The following ACAD11 variants were observed in gnomAD, a reference collection of about 807,000 sequenced individuals.
ACAD11 encodes acyl-Coenzyme A dehydrogenase family, member 11.
In ACAD11, 83 loss-of-function variants were observed where a neutral mutation model predicts 102.2. The observed-to-expected ratio is 0.81, with a 90% CI of 0.68 to 0.97. ACAD11 has a LOEUF of 0.97. Among genes scored for constraint, ACAD11 ranks in the 50% least tolerant of loss-of-function variants. The probability of loss-of-function intolerance (pLI) is 0.00; values close to 1 mark genes in which losing one functional copy is unlikely to be tolerated. For missense variants in ACAD11, 901 were observed against 951.7 expected, an observed-to-expected ratio of 0.95 and a Z score of 0.70; for synonymous variants, 324 against 319.8, an observed-to-expected ratio of 1.01 and a Z score of -0.14.
intron 11 of ACAD11, among the ~76,000 whole-genome samples, chr3:132,615,285 G>A (rs901818705): frequency 1.3e-5 from 2 of 152,118 alleles, no homozygotes; most frequent in Non-Finnish European, 2.9e-5. Context: ...CAAGGATCTA[G>A]AACCAGAAAT....
intron 5 of ACAD11, among the ~76,000 whole-genome samples, chr3:132,635,977 T>G (rs1198147888): frequency 1.3e-5 from 2 of 152,166 alleles, no homozygotes; most frequent in African/African-American, 4.8e-5. Context: ...GCTTTTAACA[T>G]CCAAAGTAAA....
intron 17 of ACAD11, among the ~76,000 whole-genome samples, chr3:132,569,328 C>T (rs1468202353): frequency 3.3e-5 from 5 of 152,018 alleles, no homozygotes; most frequent in African/African-American, 9.7e-5. Context: ...AAAGTAGTGA[C>T]AACACCATAT....
chr3:132,630,074 T>TAGTTA (rs1249661585), intron 7 of ACAD11, among the ~76,000 whole-genome samples: 1 of 152,104 alleles, frequency 6.6e-6, no homozygotes, highest in Non-Finnish European at 1.5e-5. Flanking sequence ...CAACCCTAAC[T>TAGTTA]AATAAATGGT....
chr3:132,570,535 G>A (rs1662568648), intron 17 of ACAD11, among the ~76,000 whole-genome samples: 1 of 151,808 alleles, frequency 6.6e-6, no homozygotes, highest in Non-Finnish European at 1.5e-5. Flanking sequence ...TTAAATTCGG[G>A]ATACATGTGC....
intron 17 of ACAD11, among the ~76,000 whole-genome samples, chr3:132,574,569 C>A (rs1401086193): frequency 6.6e-6 from 1 of 152,102 alleles, no homozygotes; most frequent in East Asian, 1.9e-4. Context: ...ATACATACTG[C>A]AAATTTCATA....
At chr3:132,630,319 CATT>C (rs1939984809) in intron 7 of ACAD11, 115 bp downstream of exon 7, 2 of 1,141,702 alleles carry the variant, frequency 1.8e-6, no homozygotes. Flanking sequence ...TGATACCTGT[CATT>C]ATGATAAGCC....
At chr3:132,568,037 A>G (rs913675440) in intron 17 of ACAD11, among the ~76,000 whole-genome samples, 5 of 152,052 alleles carry the variant, frequency 3.3e-5, no homozygotes. Flanking sequence ...AGATAAACAT[A>G]CAACATGGTG....
intron 11 of ACAD11, among the ~76,000 whole-genome samples, chr3:132,615,372 A>C (rs1576592496): frequency 6.6e-6 from 1 of 152,338 alleles, no homozygotes; most frequent in East Asian, 1.9e-4. Context: ...AGACACATGC[A>C]CATGTATGTT....
chr3:132,594,671 T>C (rs1258544118), intron 13 of ACAD11, among the ~76,000 whole-genome samples: 2 of 152,176 alleles, frequency 1.3e-5, no homozygotes, highest in Non-Finnish European at 2.9e-5. Context: ...GCTTCCTGGA[T>C]TAATGTTAAG....
chr3:132,641,602 A>AGAG (rs1164143841), intron 4 of ACAD11, among the ~76,000 whole-genome samples: 60 of 132,420 alleles, frequency 4.5e-4, no homozygotes, highest in African/African-American at 1.2e-3. Flanking sequence ...AAGAAGAAGA[A>AGAG]GAGGAGGAAG....
intron 5 of ACAD11, among the ~76,000 whole-genome samples, chr3:132,637,027 A>G (rs1178619619): frequency 2.0e-5 from 3 of 152,174 alleles, no homozygotes; most frequent in Non-Finnish European, 4.4e-5. Context: ...TACAGCCTAG[A>G]TAAAATCATG....
At chr3:132,581,279 A>G (rs557494699) in intron 13 of ACAD11, among the ~76,000 whole-genome samples, 62 of 152,182 alleles carry the variant, frequency 4.1e-4, no homozygotes, top group Admixed American at 1.8e-3. Flanking sequence ...TATGTAATGG[A>G]AGAATAAATA....
chr3:132,572,123 A>T (rs1334399171), intron 17 of ACAD11, among the ~76,000 whole-genome samples: 2 of 152,216 alleles, frequency 1.3e-5, no homozygotes, highest in African/African-American at 4.8e-5. Flanking sequence ...AGAAAGTCAA[A>T]CTATCCCTGT....
At chr3:132,635,422 A>G (rs1404538312) in intron 5 of ACAD11, among the ~76,000 whole-genome samples, 1 of 152,172 alleles carries the variant, frequency 6.6e-6, no homozygotes, top group African/African-American at 2.4e-5. Flanking sequence ...ATGCCTCCAT[A>G]TAACTGTGTG....
rs781726665 is a variant in ACAD11, at chr3:132,561,178, T to A, written c.2041A>T (p.Ile681Phe). Residue 681 changes from isoleucine to phenylalanine, a missense_variant, in exon 18 of 20, where the codon ATT (isoleucine) becomes TTT (phenylalanine). Physicochemically the swap from Ile to Phe is conservative, Grantham distance 21. Transcript: ENST00000264990. ...AHWIAESRIA[I>F]EKIRLLTLKA... ...AGAGTCAACAAGCGGATCTTCTCAA[T>A]GGCAATGCGGCTTTCAGCAATCCAG... is the stretch of plus-strand genomic sequence containing the variant. The A allele has an allele frequency of 6.2e-7, 1 of 1,613,484 alleles. No individual in the cohort carries two copies.
intron 1 of ACAD11, among the ~76,000 whole-genome samples, chr3:132,658,044 T>A: frequency 6.6e-6 from 1 of 151,996 alleles, no homozygotes. Context: ...GTATCTTTAG[T>A]AGAGATGGGG....
rs777865969 is a variant in ACAD11 at position 132,600,811 on chromosome 3, T to A, written c.1621+2418A>T. The A allele has an allele frequency of 2.5e-6, 4 of 1,614,040 alleles. No individual in the cohort carries two copies. In the South Asian group the frequency reaches 4.4e-5, roughly 18 times the overall value. ...TGGCTTGTATCAGCATAGACAGATA[T>A]GTGGCAGTAACTAAAGTCCCCAGCC... On this transcript the variant is annotated intron_variant, in intron 13 of 19. Coordinates refer to ENST00000264990, the MANE Select transcript of ACAD11 (RefSeq NM_032169.5).
chr3:132,587,757 TTAGGTAGA>T (rs2107804185), intron 13 of ACAD11, among the ~76,000 whole-genome samples: 1 of 152,314 alleles, frequency 6.6e-6, no homozygotes, highest in Non-Finnish European at 1.5e-5. Context: ...GGCAATTAAC[TTAGGTAGA>T]GTAAAACTGC....
chr3:132,607,371 C>G (rs1268513174), intron 11 of ACAD11, among the ~76,000 whole-genome samples: 1 of 152,076 alleles, frequency 6.6e-6, no homozygotes, highest in Non-Finnish European at 1.5e-5. Context: ...AACCTAAGAA[C>G]CTTGACAAAA....
Sources: allele counts gnomAD v4.1 joint callset (sites outside exome capture counted in the v4.1 genomes callset), GRCh38; gene constraint gnomAD v4.1.1; transcripts MANE v1.5; gene names NCBI Gene and HGNC (gene_info 2026-07-23, HGNC 2026-07-21).